Variants in ADRM1 observed in about 807,000 individuals in gnomAD.
ADRM1 encodes the protein proteasomal ubiquitin receptor ADRM1.
Under a neutral mutation model 40.1 loss-of-function variants are expected in ADRM1, and 2 were observed. The ratio of observed to expected loss-of-function variants is 0.05; its 90% CI spans 0.02 to 0.16. The LOEUF is 0.16. ADRM1 is among the 10% of genes least tolerant of loss of function. The probability of loss-of-function intolerance (pLI) is 1.00; values close to 1 mark genes in which losing one functional copy is unlikely to be tolerated. For synonymous variants in ADRM1, 287 were observed against 240.4 expected (o/e 1.19, Z -1.79); for missense variants, 467 against 552.5 (o/e 0.85, Z 1.55).
At position 62,303,657 on chromosome 20, in the gene ADRM1, A is replaced by G. The variant is rs1189701918; in HGVS notation, c.89A>G (p.Lys30Arg). The G allele has an allele frequency of 1.9e-6, 3 of 1,612,106 alleles. No homozygotes were observed. The highest frequency in any genetic ancestry group is 1.3e-5 in the African/African-American group (1 of 75,012). The change falls in exon 2 of 10, where the codon AAG becomes AGG. Residue 30 changes from lysine to arginine, a missense_variant. Around this residue, in one of 3 missense-constraint regions of ADRM1, gnomAD observed 16 missense variants for 49.1 expected, o/e 0.33. Coordinates refer to ENST00000253003, the MANE Select transcript of ADRM1 (RefSeq NM_007002.4). ...TACTTGGTGGAGTTTCGGGCGGGAA[A>G]GATGTCCCTGAAGGGGACCACCGTG... is the stretch of plus-strand genomic sequence containing the variant. The part of the protein sequence containing the change: ...NKYLVEFRAG[K>R]MSLKGTTVTP...
chr20:62,308,729 A>G lies in ADRM1; in HGVS notation c.1192A>G (p.Lys398Glu). The change falls in exon 10 of 10, where the codon AAG (lysine) becomes GAG (glutamate). Residue 398 changes from lysine to glutamate, a missense_variant. Coordinates refer to ENST00000253003, the MANE Select transcript of ADRM1 (RefSeq NM_007002.4). ...EQKEGDTKDKKDEEEDMSLD is the reference protein window; with the variant it reads ...EQKEGDTKDKEDEEEDMSLD ...GAAAGAGGGCGACACGAAGGACAAG[A>G]AGGACGAAGAGGAGGACATGAGCCT... 1.2e-6 allele frequency: 2 copies of G among 1,613,058 alleles called. No individual in the cohort carries two copies. Among genetic ancestry groups the G allele is most frequent in the Non-Finnish European group, 1.7e-6 (2 of 1,179,976 alleles).
At chr20:62,306,870 T>C in intron 5 of ADRM1, 136 bp downstream of exon 5, 3 of 886,842 alleles carry the variant, frequency 3.4e-6, no homozygotes, top group Non-Finnish European at 5.1e-6. Context: ...CTGGTTCCCC[T>C]TTGGGAATGC....
chr20:62,307,722 T>TGGAGCCAGCACA lies in ADRM1; in HGVS notation c.752_763dup (p.Gly251_Thr254dup). The TGGAGCCAGCACA allele has an allele frequency of 6.2e-7, 1 of 1,612,014 alleles. No homozygotes were observed. Among genetic ancestry groups the TGGAGCCAGCACA allele is most frequent in the Non-Finnish European group, 8.5e-7 (1 of 1,179,802 alleles). On this transcript the variant is annotated inframe_insertion, in exon 7 of 10. Transcript: ENST00000253003. ...CGAGCCCCGCGCCCAGTTCCGGGAA[T>TGGAGCCAGCACA]GGAGCCAGCACAGCAGCCAGCCCGA...
At chr20:62,303,371 C>G (rs1023346432) in intron 1 of ADRM1, 197 bp from the exon 2 acceptor site, 4 of 549,152 alleles carry the variant, frequency 7.3e-6, no homozygotes, top group Non-Finnish European at 9.5e-6. Flanking sequence ...GCGGGGCTGC[C>G]CCGGCCCAGC....
intron 1 of ADRM1, 130 bp from the exon 2 acceptor site, chr20:62,303,438 G>T: frequency 1.1e-6 from 1 of 905,718 alleles, no homozygotes; most frequent in East Asian, 2.5e-5. Context: ...AGGCAGCCCG[G>T]CGTGTCTGAG....
At chr20:62,304,015 C>T in intron 2 of ADRM1, 1 of 560,900 alleles carries the variant, frequency 1.8e-6, no homozygotes, top group Non-Finnish European at 3.2e-6. Context: ...CCCTGGAGAG[C>T]CCGGAGCTCT....
chr20:62,306,457 C>T (rs760056185), intron 4 of ADRM1, 137 bp downstream of exon 4: 11 of 1,438,320 alleles, frequency 7.6e-6, no homozygotes, highest in Non-Finnish European at 9.6e-6. Context: ...TGTGAGCTCC[C>T]TGGGTCACTC....
rs1033632690 is a variant in ADRM1 at position 62,308,457 on chromosome 20, C to A, written c.1104C>A (p.Ala368=). ...QFGLPAEAVE[A]ANKGDVEAFA... ...GTCTGCCTGCAGAGGCTGTGGAGGC[C>A]GCCAACAAGGGCGGTAAGTGGCTGC... Residue 368 remains alanine (A), a synonymous_variant, in exon 9 of 10, where the codon GCC becomes GCA. Coordinates refer to ENST00000253003, the MANE Select transcript of ADRM1 (RefSeq NM_007002.4). The A allele has an allele frequency of 6.2e-7, 1 of 1,606,504 alleles. No homozygotes were observed. The highest frequency in any genetic ancestry group is 8.5e-7 in the Non-Finnish European group (1 of 1,177,780).
chr20:62,304,624 C>T (rs1984618307), intron 3 of ADRM1, 47 bp downstream of exon 3: 1 of 1,568,268 alleles, frequency 6.4e-7, no homozygotes, highest in African/African-American at 1.4e-5. Flanking sequence ...CCCTGCGATT[C>T]GGTTAGGAAC....
intron 3 of ADRM1, chr20:62,305,883 T>G: frequency 3.0e-6 from 1 of 333,088 alleles, no homozygotes; most frequent in South Asian, 3.5e-5. Flanking sequence ...GGCAGGAGGG[T>G]GAGAGGGCTT....
In ADRM1 at chr20:62,307,576, G is replaced by C; in HGVS notation, c.624-20G>C. The C allele has an allele frequency of 1.2e-6, 2 of 1,607,088 alleles. No individual in the cohort carries two copies. On this transcript the variant is annotated intron_variant, in intron 6 of 9. Coordinates refer to ENST00000253003, the MANE Select transcript of ADRM1 (RefSeq NM_007002.4). Reference sequence around the variant, plus strand: ...CCGTGTGGGGCGTGTCCGCTCCAGCGGTGCCCTCTCTCTTCGCAGCTCCCG... The same window carrying C: ...CCGTGTGGGGCGTGTCCGCTCCAGCCGTGCCCTCTCTCTTCGCAGCTCCCG...
Position 62,308,794 on chromosome 20 carries a change from T to G in ADRM1, c.*33T>G, listed in dbSNP as rs766858163. On this transcript the variant is annotated 3_prime_UTR_variant, in exon 10 of 10. Transcript: ENST00000253003. ...GCCGTCCTCCGAGGAACTGGGCGCT[T>G]GCAGTGCGTTGCACACCCTCACCTC... The G allele has an allele frequency of 4.3e-6, 7 of 1,609,554 alleles. No individual in the cohort carries two copies. In the East Asian group the frequency reaches 1.6e-4, roughly 36 times the overall value.
At chr20:62,308,559 G>T in intron 9 of ADRM1, 89 bp downstream of exon 9, 8 of 1,560,062 alleles carry the variant, frequency 5.1e-6, no homozygotes, top group Non-Finnish European at 7.0e-6. Context: ...GGCTGAGGGG[G>T]TAAAGGTCAC....
rs1041954545 is a variant in ADRM1 at position 62,308,130 on chromosome 20, G to A, written c.966G>A (p.Gln322=). 1 of 1,609,566 alleles carries A rather than the reference G, an allele frequency of 6.2e-7. No homozygotes were observed. The highest frequency in any genetic ancestry group is 1.1e-5 in the South Asian group (1 of 90,990). The part of the protein sequence containing the change: ...PYLPSGESLP[Q]TADEIQNTLT... ...TGCCATCTGGGGAGTCGCTGCCGCA[G>A]ACCGCGGATGAGATCCAGAATACCC... Residue 322 remains glutamine (Q), a synonymous_variant, in exon 8 of 10, where the codon CAG becomes CAA. Transcript: ENST00000253003.
At position 62,304,562 on chromosome 20, in the gene ADRM1, TTTC is replaced by T; in HGVS notation, c.320_322del (p.Phe107del). ...AGTTCAAGGCAGGGTCCAAGCGGCT[TTTC>T]TTCTGGATGCAGGTATGGGGCAGGC... On this transcript the variant is annotated inframe_deletion, in exon 3 of 10. Coordinates refer to ENST00000253003, the MANE Select transcript of ADRM1 (RefSeq NM_007002.4). The T allele has an allele frequency of 6.2e-7, 1 of 1,613,912 alleles. No individual in the cohort carries two copies. Among genetic ancestry groups the T allele is most frequent in the Non-Finnish European group, 8.5e-7 (1 of 1,179,892 alleles).
chr20:62,306,585 A>AGCGCG, intron 4 of ADRM1, 63 bp from the exon 5 acceptor site: 28 of 1,487,394 alleles, frequency 1.9e-5, no homozygotes, highest in Non-Finnish European at 2.5e-5. Context: ...AGGCGCAGGC[A>AGCGCG]GTGCGGTGGG....
intron 5 of ADRM1, 55 bp from the exon 6 acceptor site, chr20:62,307,316 C>G: frequency 6.6e-7 from 1 of 1,526,568 alleles, no homozygotes; most frequent in Non-Finnish European, 8.8e-7. Flanking sequence ...AGGGGCCAGG[C>G]TCTTTCTGGT....
intron 9 of ADRM1, 52 bp from the exon 10 acceptor site, chr20:62,308,603 C>G: frequency 1.9e-6 from 3 of 1,603,846 alleles, no homozygotes; most frequent in Middle Eastern, 1.7e-4. Context: ...CGCTTTGATC[C>G]CCAGTTCTGG....
rs1568873855 is a variant in ADRM1, at chr20:62,307,357, C to T, written c.542-14C>T. ...AGAGGGCATCCTGAGCTCGCATTTC[C>T]TTGCCCCTCGCAGGTGGGCTGGGGG... On this transcript the variant is annotated splice_polypyrimidine_tract_variant and intron_variant, in intron 5 of 9. Transcript: ENST00000253003. 2 of 1,598,324 alleles carry T rather than the reference C, an allele frequency of 1.3e-6. No individual in the cohort carries two copies. The highest frequency in any genetic ancestry group is 1.1e-5 in the South Asian group (1 of 89,346).
Sources: allele counts gnomAD v4.1 joint callset, GRCh38; gene constraint gnomAD v4.1.1; regional missense constraint gnomAD v4.1.1; transcripts MANE v1.5; gene names NCBI Gene and HGNC (gene_info 2026-07-23, HGNC 2026-07-21).